The following ZDHHC7 variants were observed in gnomAD, a reference collection of about 807,000 sequenced individuals.
ZDHHC7 encodes the protein zDHHC palmitoyltransferase 7.
ZDHHC7 carries 12 observed loss-of-function variants against 34.1 expected under a neutral mutation model. The observed-to-expected ratio is 0.35, with a 90% CI of 0.23 to 0.57. The LOEUF (loss-of-function observed/expected upper bound fraction) is 0.57. ZDHHC7 is among the 20% of genes least tolerant of loss of function. The pLI is 0.84. For missense variants in ZDHHC7, 388 were observed against 402.7 expected, an observed-to-expected ratio of 0.96 and a Z score of 0.31; for synonymous variants, 185 against 155.4, an observed-to-expected ratio of 1.19 and a Z score of -1.42.
At chr16:84,977,883 A>C in intron 6 of ZDHHC7, 41 bp downstream of exon 6, 1 of 1,512,416 alleles carries the variant, frequency 6.6e-7, no homozygotes, top group Non-Finnish European at 9.1e-7. Context: ...ATCCAATAAC[A>C]GCATGCAAAG....
the ZDHHC7 span, among the ~76,000 whole-genome samples, chr16:85,023,599 C>G: frequency 1.3e-5 from 2 of 152,082 alleles, no homozygotes. Context: ...GTATTTTGGA[C>G]TCATCCTCTA....
At chr16:84,989,523 C>G (rs1271874531) in intron 3 of ZDHHC7, among the ~76,000 whole-genome samples, 1 of 152,006 alleles carries the variant, frequency 6.6e-6, no homozygotes, top group Non-Finnish European at 1.5e-5. Context: ...TGGTGAAACC[C>G]TGTCTCTACT....
intron 1 of ZDHHC7, among the ~76,000 whole-genome samples, chr16:85,005,334 C>T (rs1282722429): frequency 6.6e-6 from 1 of 152,196 alleles, no homozygotes; most frequent in Non-Finnish European, 1.5e-5. Flanking sequence ...GCTAACAATA[C>T]ATTTAGCCCT....
intron 2 of ZDHHC7, among the ~76,000 whole-genome samples, chr16:84,992,853 A>G (rs1189090436): frequency 1.3e-5 from 2 of 152,194 alleles, no homozygotes; most frequent in Non-Finnish European, 2.9e-5. Context: ...CTTTTCTTAA[A>G]TGCAACTGGA....
intron 2 of ZDHHC7, among the ~76,000 whole-genome samples, chr16:84,994,384 C>T (rs2143667423): frequency 6.6e-6 from 1 of 152,324 alleles, no homozygotes; most frequent in East Asian, 1.9e-4. Flanking sequence ...TGAGCAGAAC[C>T]ATTTTGCTTT....
At chr16:84,987,792 C>T (rs2072455981) in intron 3 of ZDHHC7, among the ~76,000 whole-genome samples, 1 of 152,218 alleles carries the variant, frequency 6.6e-6, no homozygotes, top group African/African-American at 2.4e-5. Flanking sequence ...ACTGATCATG[C>T]CACAGCACGA....
At chr16:84,996,338 G>A (rs534807078) in intron 1 of ZDHHC7, among the ~76,000 whole-genome samples, 5 of 152,226 alleles carry the variant, frequency 3.3e-5, no homozygotes, top group South Asian at 2.1e-4. Flanking sequence ...CACTTCTACC[G>A]TCGATAAGCT....
At chr16:84,983,602 G>T (rs974281264) in intron 3 of ZDHHC7, among the ~76,000 whole-genome samples, 1 of 152,184 alleles carries the variant, frequency 6.6e-6, no homozygotes, top group African/African-American at 2.4e-5. Flanking sequence ...CGCAATATGG[G>T]GAAGCTGTTT....
intron 1 of ZDHHC7, among the ~76,000 whole-genome samples, chr16:85,010,479 G>A (rs1247254391): frequency 6.6e-6 from 1 of 152,170 alleles, no homozygotes; most frequent in East Asian, 1.9e-4. Flanking sequence ...GATAGTAACA[G>A]TAAAATAGAT....
chr16:85,006,557 C>T (rs1042688962), intron 1 of ZDHHC7, among the ~76,000 whole-genome samples: 1 of 151,574 alleles, frequency 6.6e-6, no homozygotes, highest in South Asian at 2.1e-4. Context: ...CCTGAGCAAC[C>T]GGCCTGACCC....
intron 3 of ZDHHC7, among the ~76,000 whole-genome samples, chr16:84,989,812 T>C (rs943951333): frequency 4.0e-5 from 6 of 151,534 alleles, no homozygotes; most frequent in African/African-American, 1.5e-4. Context: ...GGAGTCCCTA[T>C]ACCATGGTTT....
intron 2 of ZDHHC7, 65 bp downstream of exon 2, chr16:84,995,857 A>C (rs3751747): frequency 6.6e-6 from 1 of 152,202 alleles, no homozygotes; most frequent in Non-Finnish European, 1.5e-5. Context: ...TTTTAGTAAT[A>C]TACAAGCTAG....
At position 85,004,282 on chromosome 16, in the gene ZDHHC7, C is replaced by A. The variant is rs971326999; in HGVS notation, c.-104+7004G>T. Among the ~76,000 whole-genome samples the A allele has an allele frequency of 7.9e-5, 12 of 152,120 alleles. No homozygotes were observed. The South Asian group carries it at 2.5e-3, about 32-fold the overall frequency. ...AAGTCCTATGGGGTGCACCTCTAAA[C>A]CTACCCCAAATCCGACCACTTCTCC... is the stretch of plus-strand genomic sequence containing the variant. On this transcript the variant is annotated intron_variant, in intron 1 of 7. Coordinates refer to ENST00000313732, the MANE Select transcript of ZDHHC7 (RefSeq NM_017740.3).
chr16:84,989,734 C>T (rs1338488177), intron 3 of ZDHHC7, among the ~76,000 whole-genome samples: 2 of 150,122 alleles, frequency 1.3e-5, no homozygotes, highest in Admixed American at 6.6e-5. Context: ...TTATTAACGT[C>T]TGGGTACCTT....
rs1417740770 is a variant in ZDHHC7 at position 84,981,908 on chromosome 16, C to G, written c.402G>C (p.Lys134Asn). ...CGCGCTCGGGTTTAATACAGCAGCACTTGGGGCACTTGTAGATGACTTCCC... is the reference window on the plus strand; with the variant it reads ...CGCGCTCGGGTTTAATACAGCAGCAGTTGGGGCACTTGTAGATGACTTCCC... ...KPGEVIYKCP[K>N]CCCIKPERAH... The change falls in exon 4 of 8, where the codon AAG (lysine) becomes AAC (asparagine). Residue 134 changes from lysine (K) to asparagine (N), a missense_variant. Transcript: ENST00000313732. The G allele has an allele frequency of 6.2e-7, 1 of 1,614,238 alleles. No individual in the cohort carries two copies. The highest frequency in any genetic ancestry group is 2.2e-5 in the East Asian group (1 of 44,886).
Position 85,000,389 on chromosome 16 carries a change from G to A in ZDHHC7, c.-103-4382C>T, listed in dbSNP as rs76333854. On this transcript the variant is annotated intron_variant, in intron 1 of 7. Coordinates refer to ENST00000313732, the MANE Select transcript of ZDHHC7 (RefSeq NM_017740.3). ...TTCAAGCAAGTGTCTTAAGCTCTTC[G>A]CCTTTACTTTTTTCCTTGGCTATAA... Among the ~76,000 whole-genome samples the A allele has an allele frequency of 6.1e-4, 93 of 152,164 alleles. 2 individuals carry two copies. In the East Asian group the frequency reaches 0.013, roughly 21 times the overall value.
At chr16:84,985,025 C>T (rs972162033) in intron 3 of ZDHHC7, among the ~76,000 whole-genome samples, 7 of 152,202 alleles carry the variant, frequency 4.6e-5, no homozygotes, top group Non-Finnish European at 7.3e-5. Flanking sequence ...TTCCTCAGTT[C>T]CCATTTTAAC....
chr16:85,021,157 T>G, the ZDHHC7 span, among the ~76,000 whole-genome samples: 1 of 151,928 alleles, frequency 6.6e-6, no homozygotes, highest in Non-Finnish European at 1.5e-5. Context: ...CTCACACCTG[T>G]AATCCCAGCA....
chr16:85,015,886 G>T (rs2072832045), upstream of ZDHHC7, among the ~76,000 whole-genome samples: 1 of 151,912 alleles, frequency 6.6e-6, no homozygotes, highest in Non-Finnish European at 1.5e-5. Flanking sequence ...TTCTCTCAGG[G>T]CCTGCTATCT....
Sources: allele counts gnomAD v4.1 joint callset (sites outside exome capture counted in the v4.1 genomes callset), GRCh38; gene constraint gnomAD v4.1.1; transcripts MANE v1.5; gene names NCBI Gene and HGNC (gene_info 2026-07-23, HGNC 2026-07-21).